The following RTN4RL1 variants were observed in gnomAD, a reference collection of about 807,000 sequenced individuals.
RTN4RL1 encodes reticulon 4 receptor like 1.
A neutral mutation model predicts 25.6 loss-of-function variants in RTN4RL1; 7 were observed. The ratio of observed to expected loss-of-function variants is 0.27; its 90% CI spans 0.16 to 0.51. The LOEUF (loss-of-function observed/expected upper bound fraction) is 0.51, where lower values mean the gene tolerates loss of function less well. RTN4RL1 is among the 20% of genes least tolerant of loss of function. RTN4RL1 has a pLI of 0.97. For missense variants in RTN4RL1, 500 were observed against 615.6 expected, an observed-to-expected ratio of 0.81 and a Z score of 1.99; for synonymous variants, 297 against 288.2, an observed-to-expected ratio of 1.03 and a Z score of -0.31.
intron 1 of RTN4RL1, among the ~76,000 whole-genome samples, chr17:2,011,748 CA>C (rs2067052188): frequency 6.6e-6 from 1 of 152,186 alleles, no homozygotes; most frequent in Admixed American, 6.5e-5. Flanking sequence ...ACCAGCCCAT[CA>C]GGGGCAGTGG....
intron 1 of RTN4RL1, among the ~76,000 whole-genome samples, chr17:1,993,998 G>A (rs1597231777): frequency 6.6e-6 from 1 of 152,254 alleles, no homozygotes; most frequent in East Asian, 1.9e-4. Flanking sequence ...CAAGTTTTAA[G>A]CAAGCACAGC....
intron 1 of RTN4RL1, among the ~76,000 whole-genome samples, chr17:2,004,789 A>C (rs1287069641): frequency 6.6e-6 from 1 of 152,156 alleles, no homozygotes; most frequent in Non-Finnish European, 1.5e-5. Flanking sequence ...GCCCCTGGCC[A>C]GGGCTGGCAT....
At chr17:1,943,291 C>G (rs1046354072) in intron 1 of RTN4RL1, among the ~76,000 whole-genome samples, 5 of 152,246 alleles carry the variant, frequency 3.3e-5, no homozygotes, top group African/African-American at 1.2e-4. Flanking sequence ...GGGCTCTGCC[C>G]CCAGCTCCAT....
intron 1 of RTN4RL1, among the ~76,000 whole-genome samples, chr17:1,988,035 A>C (rs1042600280): frequency 2.7e-5 from 4 of 150,530 alleles, no homozygotes; most frequent in Non-Finnish European, 5.9e-5. Flanking sequence ...GAACCCAGGA[A>C]GTGGAGGTTG....
chr17:1,987,214 C>T (rs576249913), intron 1 of RTN4RL1, among the ~76,000 whole-genome samples: 2 of 152,264 alleles, frequency 1.3e-5, no homozygotes, highest in South Asian at 2.1e-4. Flanking sequence ...TCCACCCATG[C>T]GCCATGATAG....
At chr17:1,962,293 AAAGT>A (rs1039265164) in intron 1 of RTN4RL1, among the ~76,000 whole-genome samples, 5 of 151,574 alleles carry the variant, frequency 3.3e-5, no homozygotes, top group African/African-American at 7.3e-5. Context: ...AAAAAAAAAG[AAAGT>A]AAGAAAAAAG....
intron 1 of RTN4RL1, among the ~76,000 whole-genome samples, chr17:2,000,786 C>G (rs535626738): frequency 3.3e-5 from 5 of 152,200 alleles, no homozygotes; most frequent in African/African-American, 1.2e-4. Flanking sequence ...TCCCGAAGTA[C>G]GGGGATTACA....
chr17:1,981,563 C>T (rs2066867413), intron 1 of RTN4RL1, among the ~76,000 whole-genome samples: 2 of 152,172 alleles, frequency 1.3e-5, no homozygotes, highest in Admixed American at 6.5e-5. Context: ...CCCTCATGCC[C>T]TGTGGCTGCC....
At chr17:1,976,180 T>C (rs754952954) in intron 1 of RTN4RL1, among the ~76,000 whole-genome samples, 1 of 152,088 alleles carries the variant, frequency 6.6e-6, no homozygotes, top group African/African-American at 2.4e-5. Context: ...GGAGGGCAAA[T>C]CCCAAAGCCA....
chr17:1,956,147 G>GAAA (rs1158916502), intron 1 of RTN4RL1, among the ~76,000 whole-genome samples: 1 of 152,002 alleles, frequency 6.6e-6, no homozygotes, highest in East Asian at 1.9e-4. Context: ...AGCTCTCAGG[G>GAAA]GGTCTCTATC....
At chr17:1,965,726 C>G (rs1272778224) in intron 1 of RTN4RL1, among the ~76,000 whole-genome samples, 1 of 152,214 alleles carries the variant, frequency 6.6e-6, no homozygotes, top group Non-Finnish European at 1.5e-5. Context: ...GTAAAGACCC[C>G]TGGCCCCGCC....
intron 1 of RTN4RL1, among the ~76,000 whole-genome samples, chr17:1,984,889 C>A (rs567841677): frequency 2.0e-5 from 3 of 152,194 alleles, no homozygotes; most frequent in South Asian, 4.1e-4. Context: ...ATCGCTTGAA[C>A]CCAGAAGGCG....
rs1915295659 is a variant in RTN4RL1 at position 1,936,020 on chromosome 17, G to T, written c.*476C>A. On this transcript the variant is annotated 3_prime_UTR_variant, in exon 2 of 2. Coordinates refer to ENST00000331238, the MANE Select transcript of RTN4RL1 (RefSeq NM_178568.4). ...GTGACTGGCCTCAGGCAAGAGCCAA[G>T]ATGCCACCTGCTCGTGTGTGCCCAG... The T allele has an allele frequency of 1.0e-6, 1 of 988,982 alleles. No individual in the cohort carries two copies. The highest frequency in any genetic ancestry group is 4.7e-5 in the South Asian group (1 of 21,418). 61.3% of individuals were successfully genotyped at this position (988,982 alleles called of 1,614,324 possible).
chr17:1,956,980 T>C (rs976761681), intron 1 of RTN4RL1, among the ~76,000 whole-genome samples: 19 of 152,234 alleles, frequency 1.2e-4, no homozygotes, highest in African/African-American at 4.3e-4. Flanking sequence ...CCTCAGGTGA[T>C]CCACCCGCCT....
intron 1 of RTN4RL1, among the ~76,000 whole-genome samples, chr17:1,996,415 G>A (rs964900314): frequency 2.2e-5 from 2 of 92,914 alleles, no homozygotes; most frequent in Non-Finnish European, 4.1e-5. Context: ...AGGTCCCCCT[G>A]CAGAGGGCTG....
At chr17:2,000,080 C>G (rs1023039206) in intron 1 of RTN4RL1, among the ~76,000 whole-genome samples, 13 of 152,256 alleles carry the variant, frequency 8.5e-5, no homozygotes, top group Non-Finnish European at 2.9e-5. Flanking sequence ...GGGAAGCCTG[C>G]CTGGGCCAGG....
At chr17:1,955,847 G>T (rs1184656355) in intron 1 of RTN4RL1, among the ~76,000 whole-genome samples, 7 of 151,778 alleles carry the variant, frequency 4.6e-5, no homozygotes, top group African/African-American at 1.7e-4. Flanking sequence ...GCCTCCCAAC[G>T]TGCTGCGATT....
chr17:1,963,387 C>A (rs2066774707), intron 1 of RTN4RL1, among the ~76,000 whole-genome samples: 1 of 152,248 alleles, frequency 6.6e-6, no homozygotes, highest in African/African-American at 2.4e-5. Flanking sequence ...CTCACAAGGG[C>A]AAATTCAATT....
At chr17:1,939,179 C>T (rs781004746) in intron 1 of RTN4RL1, among the ~76,000 whole-genome samples, 28 of 151,734 alleles carry the variant, frequency 1.8e-4, no homozygotes, top group Middle Eastern at 3.4e-3. Flanking sequence ...GGCGAAACCC[C>T]GTCTCTACTA....
Sources: gnomAD v4.1 joint callset for allele counts (sites outside exome capture counted in the v4.1 genomes callset) on GRCh38, gnomAD v4.1.1 for gene constraint, MANE v1.5 for transcripts, NCBI Gene and HGNC (gene_info 2026-07-23, HGNC 2026-07-21) for gene names.